The following LRRC8C variants were observed in gnomAD, a reference collection of about 807,000 sequenced individuals.
The protein encoded by LRRC8C is volume-regulated anion channel subunit LRRC8C.
LRRC8C carries 20 observed loss-of-function variants against 55.3 expected under a neutral mutation model. The ratio of observed to expected loss-of-function variants is 0.36; its 90% CI spans 0.25 to 0.53. The LOEUF is 0.53. Among genes scored for constraint, LRRC8C ranks in the 20% least tolerant of loss-of-function variants. The pLI, the probability that LRRC8C is intolerant of heterozygous loss-of-function variation, is 0.92. For synonymous variants in LRRC8C, 376 were observed against 360.7 expected, an observed-to-expected ratio of 1.04 and a Z score of -0.48; for missense variants, 659 against 951.4, an observed-to-expected ratio of 0.69 and a Z score of 4.04.
In LRRC8C at chr1:89,712,936, G is replaced by T; in HGVS notation, c.366G>T (p.Trp122Cys). 1 of 1,613,706 alleles carries T rather than the reference G, an allele frequency of 6.2e-7. No homozygotes were observed. The highest frequency in any genetic ancestry group is 2.2e-5 in the East Asian group (1 of 44,896). ...NQMCYERALH[W>C]YAKYFPYLVL... is the part of the protein sequence containing the mutation. ...TGTGTTATGAGCGAGCCCTCCACTG[G>T]TATGCCAAGTATTTCCCTTACCTTG... Residue 122 changes from tryptophan to cysteine, a missense_variant, in exon 3 of 3, where the codon TGG becomes TGT. Trp to Cys is a radical substitution (Grantham distance 215). Transcript: ENST00000370454.
intron 1 of LRRC8C, among the ~76,000 whole-genome samples, chr1:89,680,124 AT>A (rs879440521): frequency 0.013 from 1,881 of 148,446 alleles, 15 homozygotes; most frequent in Non-Finnish European, 0.019. Flanking sequence ...CCCAGGCTGG[AT>A]GGAATGCAGT....
At chr1:89,616,503 TGAA>T in the LRRC8C span, among the ~76,000 whole-genome samples, 1 of 152,182 alleles carries the variant, frequency 6.6e-6, no homozygotes, top group East Asian at 1.9e-4. Context: ...GAGATAACAT[TGAA>T]GAAGGAGGTT....
At chr1:89,711,028 T>C (rs900690677) in intron 2 of LRRC8C, among the ~76,000 whole-genome samples, 1 of 152,208 alleles carries the variant, frequency 6.6e-6, no homozygotes, top group Non-Finnish European at 1.5e-5. Flanking sequence ...CCCATGACTT[T>C]ATGAAAAGAC....
chr1:89,653,268 T>C (rs1017281523), intron 1 of LRRC8C, among the ~76,000 whole-genome samples: 2 of 152,232 alleles, frequency 1.3e-5, no homozygotes, highest in Non-Finnish European at 2.9e-5. Context: ...AATTTTAAAA[T>C]AACAATAATG....
chr1:89,643,504 A>G (rs1005089266), intron 1 of LRRC8C, among the ~76,000 whole-genome samples: 14 of 152,246 alleles, frequency 9.2e-5, no homozygotes, highest in Non-Finnish European at 1.5e-4. Flanking sequence ...AAACCTATTT[A>G]TGTCACATTT....
rs576075377 is a variant in LRRC8C, at chr1:89,687,560, T to C, written c.138+949T>C. ...GTGATGAGGAAGATAGTGTCAGTAA[T>C]AACATTAAAGAGTAAATGGAGAAGG... On this transcript the variant is annotated intron_variant, in intron 2 of 2. Coordinates refer to ENST00000370454, the MANE Select transcript of LRRC8C (RefSeq NM_032270.5). Among the ~76,000 whole-genome samples the C allele has an allele frequency of 9.2e-5, 14 of 152,206 alleles. No individual in the cohort carries two copies. In the South Asian group the frequency reaches 2.9e-3, roughly 32 times the overall value.
At chr1:89,657,044 C>CAAAATTTCATTTTGTATAATATAATGAA (rs1412472348) in intron 1 of LRRC8C, among the ~76,000 whole-genome samples, 1 of 152,150 alleles carries the variant, frequency 6.6e-6, no homozygotes, top group Non-Finnish European at 1.5e-5. Flanking sequence ...GGCTATAAAA[C>CAAAATTTCATTTTGTATAATATAATGAA]ATACATTGTA....
At chr1:89,656,465 G>A (rs539216273) in intron 1 of LRRC8C, among the ~76,000 whole-genome samples, 1 of 152,266 alleles carries the variant, frequency 6.6e-6, no homozygotes, top group Non-Finnish European at 1.5e-5. Context: ...GCTAGGTACT[G>A]AGTAAGCTCA....
intron 2 of LRRC8C, chr1:89,706,358 C>T (rs1468648043): frequency 2.2e-6 from 1 of 455,942 alleles, no homozygotes; most frequent in African/African-American, 2.0e-5. Context: ...CCTTTGGTGT[C>T]TCATTCATGC....
chr1:89,687,016 A>G (rs111643241), intron 2 of LRRC8C, among the ~76,000 whole-genome samples: 2 of 152,210 alleles, frequency 1.3e-5, no homozygotes, highest in African/African-American at 4.8e-5. Context: ...AAGAACTAAA[A>G]TTTTGATGAG....
At chr1:89,698,690 A>AT (rs1658237705) in intron 2 of LRRC8C, among the ~76,000 whole-genome samples, 2 of 151,794 alleles carry the variant, frequency 1.3e-5, no homozygotes, top group South Asian at 2.1e-4. Context: ...AATCCCTTGG[A>AT]TTTTTTTCCC....
intron 1 of LRRC8C, among the ~76,000 whole-genome samples, chr1:89,634,292 A>G (rs1294165923): frequency 1.3e-5 from 2 of 152,194 alleles, no homozygotes; most frequent in Non-Finnish European, 2.9e-5. Flanking sequence ...CCCATCCTCA[A>G]AGTAAAAAAT....
chr1:89,641,777 G>A lies in LRRC8C; in HGVS notation c.-5+8455G>A, dbSNP rs374587886. The stretch of plus-strand genomic sequence containing the variant: ...CTTTGAACTGGTTTTCTATACCAGG[G>A]AAGATTTTCAAAGCATAATCTAAAC... On this transcript the variant is annotated intron_variant, in intron 1 of 2. Coordinates refer to ENST00000370454, the MANE Select transcript of LRRC8C (RefSeq NM_032270.5). Among the ~76,000 whole-genome samples, 70 of 152,268 alleles carry A rather than the reference G, an allele frequency of 4.6e-4. 1 individual carries two copies. In the South Asian group the frequency reaches 0.014, roughly 31 times the overall value.
At chr1:89,636,640 G>C (rs1238150332) in intron 1 of LRRC8C, among the ~76,000 whole-genome samples, 2 of 30,908 alleles carry the variant, frequency 6.5e-5, no homozygotes, top group Non-Finnish European at 1.4e-4. Flanking sequence ...CCTTGACCAA[G>C]CCTCCACCAG....
intron 2 of LRRC8C, among the ~76,000 whole-genome samples, chr1:89,690,479 C>T (rs972959170): frequency 1.3e-5 from 2 of 152,064 alleles, no homozygotes; most frequent in Admixed American, 6.5e-5. Flanking sequence ...TGGCTCAGAG[C>T]GCTGCTGCAG....
At chr1:89,662,684 A>T (rs1484958603) in intron 1 of LRRC8C, among the ~76,000 whole-genome samples, 1 of 152,122 alleles carries the variant, frequency 6.6e-6, no homozygotes, top group Non-Finnish European at 1.5e-5. Flanking sequence ...TTCCTCTTAA[A>T]ATAGAGCCCT....
chr1:89,654,067 A>G (rs1656869953), intron 1 of LRRC8C, among the ~76,000 whole-genome samples: 1 of 152,212 alleles, frequency 6.6e-6, no homozygotes, highest in Non-Finnish European at 1.5e-5. Context: ...ACACAATGGA[A>G]TATTATTCAT....
At chr1:89,690,655 A>G (rs1017844085) in intron 2 of LRRC8C, among the ~76,000 whole-genome samples, 6 of 152,220 alleles carry the variant, frequency 3.9e-5, no homozygotes, top group African/African-American at 1.4e-4. Context: ...AGCATCATTT[A>G]GGAGATGTGC....
chr1:89,671,623 G>T (rs1657418879), intron 1 of LRRC8C, among the ~76,000 whole-genome samples: 1 of 152,182 alleles, frequency 6.6e-6, no homozygotes, highest in Admixed American at 6.5e-5. Context: ...GGCCTTCAGT[G>T]CCTGTCATGA....
Sources: allele counts gnomAD v4.1 joint callset (sites outside exome capture counted in the v4.1 genomes callset), GRCh38; gene constraint gnomAD v4.1.1; transcripts MANE v1.5; gene names NCBI Gene and HGNC (gene_info 2026-07-23, HGNC 2026-07-21).